The following PTPN4 variants were observed in gnomAD, a reference collection of about 807,000 sequenced individuals.
The protein encoded by PTPN4 is protein tyrosine phosphatase non-receptor type 4.
A neutral mutation model predicts 135.5 loss-of-function variants in PTPN4; 49 were observed. The observed-to-expected ratio is 0.36, with a 90% confidence interval of 0.29 to 0.46. PTPN4 has a LOEUF of 0.46. Among genes scored for constraint, PTPN4 ranks in the 20% least tolerant of loss-of-function variants. The pLI, the probability that PTPN4 is intolerant of heterozygous loss-of-function variation, is 1.00. For missense variants in PTPN4, 860 were observed against 1,101.0 expected (o/e 0.78, Z 3.10); for synonymous variants, 333 against 369.9 (o/e 0.90, Z 1.14).
chr2:119,971,796 A>G (rs543867009), intron 26 of PTPN4, among the ~76,000 whole-genome samples: 1 of 152,328 alleles, frequency 6.6e-6, no homozygotes, highest in South Asian at 2.1e-4. Context: ...TTTAGCATTG[A>G]TCCATTTTGA....
At chr2:119,912,530 T>G (rs957855850) in intron 10 of PTPN4, among the ~76,000 whole-genome samples, 1 of 152,234 alleles carries the variant, frequency 6.6e-6, no homozygotes. Context: ...ATGTGAAAGT[T>G]AATCAGTAAA....
chr2:119,962,296 A>C (rs1440636542), intron 23 of PTPN4, among the ~76,000 whole-genome samples: 1 of 152,160 alleles, frequency 6.6e-6, no homozygotes, highest in African/African-American at 2.4e-5. Context: ...CTCTACTAAA[A>C]ATACAAAATT....
At chr2:119,936,583 G>A (rs1036981506) in intron 15 of PTPN4, among the ~76,000 whole-genome samples, 8 of 152,170 alleles carry the variant, frequency 5.3e-5, no homozygotes, top group Non-Finnish European at 7.3e-5. Context: ...CACCATGATT[G>A]TAAATTTCCT....
intron 3 of PTPN4, among the ~76,000 whole-genome samples, chr2:119,876,959 A>G: frequency 6.9e-6 from 1 of 145,022 alleles, no homozygotes; most frequent in South Asian, 2.2e-4. Flanking sequence ...GGTGAAGAGA[A>G]TTTTGAAAAC....
intron 1 of PTPN4, among the ~76,000 whole-genome samples, chr2:119,765,442 T>C (rs1239047320): frequency 1.3e-5 from 2 of 152,230 alleles, no homozygotes; most frequent in Non-Finnish European, 2.9e-5. Flanking sequence ...ATCTCTCTCT[T>C]ACAGAAGTAC....
intron 1 of PTPN4, among the ~76,000 whole-genome samples, chr2:119,794,487 A>G (rs1305820470): frequency 6.6e-6 from 1 of 152,164 alleles, no homozygotes; most frequent in Non-Finnish European, 1.5e-5. Flanking sequence ...ATGCAGCTCC[A>G]GGTGTCGGCA....
At chr2:119,903,582 C>CACACCT (rs1438695930) in intron 10 of PTPN4, among the ~76,000 whole-genome samples, 16 of 151,872 alleles carry the variant, frequency 1.1e-4, no homozygotes, top group Non-Finnish European at 1.6e-4. Context: ...CACACACACA[C>CACACCT]ACCTTTCAGG....
At chr2:119,846,478 A>C (rs1011236750) in intron 2 of PTPN4, among the ~76,000 whole-genome samples, 3 of 151,424 alleles carry the variant, frequency 2.0e-5, no homozygotes, top group Admixed American at 6.6e-5. Context: ...AACTTTTTAA[A>C]TCCTTTACTT....
chr2:119,941,129 T>C (rs1465857672), intron 15 of PTPN4, among the ~76,000 whole-genome samples: 1 of 152,200 alleles, frequency 6.6e-6, no homozygotes, highest in African/African-American at 2.4e-5. Flanking sequence ...AGAAATAGTA[T>C]TGTTTTTAAG....
At chr2:119,828,284 T>G (rs1400756791) in intron 2 of PTPN4, among the ~76,000 whole-genome samples, 2 of 152,238 alleles carry the variant, frequency 1.3e-5, no homozygotes, top group Non-Finnish European at 2.9e-5. Context: ...GCTGTCTAAC[T>G]GTAGCCACAA....
rs768071416 is a variant in PTPN4 at position 119,962,767 on chromosome 2, C to G, written c.2409+23C>G. On this transcript the variant is annotated intron_variant, in intron 24 of 26. Transcript: ENST00000263708. ...GAGGTAAGAAGGCAGGATATCTGTT[C>G]ATTAGAACTGTTGTGTTCAGGGTAA... 6.8e-5 allele frequency: 104 copies of G among 1,525,446 alleles called. No individual in the cohort carries two copies. In the Middle Eastern group the frequency reaches 6.9e-4, roughly 10 times the overall value. The allele number at this position is 1,525,446 out of a possible 1,614,324, so 94.5% of individuals were successfully genotyped here.
At chr2:119,922,864 G>A (rs758901639) in intron 12 of PTPN4, among the ~76,000 whole-genome samples, 2 of 152,152 alleles carry the variant, frequency 1.3e-5, no homozygotes, top group Non-Finnish European at 2.9e-5. Flanking sequence ...TTAAGGTTTT[G>A]TCTTTCTTCC....
chr2:119,805,582 G>C (rs1387627036), intron 1 of PTPN4, among the ~76,000 whole-genome samples: 1 of 152,188 alleles, frequency 6.6e-6, no homozygotes, highest in Non-Finnish European at 1.5e-5. Context: ...TCAAAGATCA[G>C]ATGGTTGTAG....
chr2:119,903,213 T>C (rs1678432660), intron 10 of PTPN4, among the ~76,000 whole-genome samples: 1 of 152,050 alleles, frequency 6.6e-6, no homozygotes, highest in Non-Finnish European at 1.5e-5. Context: ...ACAGGGACAT[T>C]ACCATTGACA....
chr2:119,774,133 T>C (rs1460507088), intron 1 of PTPN4, among the ~76,000 whole-genome samples: 2 of 152,216 alleles, frequency 1.3e-5, no homozygotes, highest in East Asian at 3.9e-4. Flanking sequence ...CTTTTGTGGT[T>C]CTTGAGTATT....
Position 119,982,406 on chromosome 2 carries a change from T to C in PTPN4, c.*5336T>C, listed in dbSNP as rs1198368794. 6.6e-6 allele frequency: 1 copy of C among 152,196 alleles called. No individual in the cohort carries two copies. Among genetic ancestry groups the C allele is most frequent in the African/African-American group, 2.4e-5 (1 of 41,450 alleles). The allele number at this position is 152,196 out of a possible 1,614,324, so 9.4% of individuals were successfully genotyped here. On this transcript the variant is annotated 3_prime_UTR_variant, in exon 27 of 27. Coordinates refer to ENST00000263708, the MANE Select transcript of PTPN4 (RefSeq NM_002830.4). ...AGGATACTCTATTTGTTTTAAAGTC[T>C]ACACGGGATTGAAAAGAAAGGGAAG... is the stretch of plus-strand genomic sequence containing the variant.
chr2:119,908,465 CTTAGTATTATAATTGTT>C (rs1210602141), intron 10 of PTPN4, among the ~76,000 whole-genome samples: 1 of 152,034 alleles, frequency 6.6e-6, no homozygotes, highest in Non-Finnish European at 1.5e-5. Flanking sequence ...GATCTTTGCT[CTTAGTATTATAATTGTT>C]TTGGCATGCC....
intron 19 of PTPN4, 137 bp downstream of exon 19, chr2:119,952,266 G>A (rs1049342384): frequency 2.3e-5 from 17 of 742,526 alleles, no homozygotes; most frequent in South Asian, 1.0e-4. Context: ...TCATTGACAC[G>A]TGGAGCAGAA....
chr2:119,911,131 T>C (rs1028343159), intron 10 of PTPN4, among the ~76,000 whole-genome samples: 4 of 152,136 alleles, frequency 2.6e-5, no homozygotes, highest in African/African-American at 9.7e-5. Context: ...ATAAGCTCTT[T>C]TAGACAATAA....
Sources: allele counts gnomAD v4.1 joint callset (sites outside exome capture counted in the v4.1 genomes callset), GRCh38; gene constraint gnomAD v4.1.1; transcripts MANE v1.5; gene names NCBI Gene and HGNC (gene_info 2026-07-23, HGNC 2026-07-21).